Variants in PTMA observed in about 807,000 individuals in gnomAD.
PTMA encodes prothymosin alpha.
Under a neutral mutation model 16.9 loss-of-function variants are expected in PTMA, and 4 were observed. That is an observed-to-expected ratio of 0.24 (90% CI 0.12 to 0.54). The LOEUF (loss-of-function observed/expected upper bound fraction) is 0.54, where lower values mean the gene tolerates loss of function less well. Ranked by LOEUF, PTMA falls within the 20% of genes least tolerant of loss-of-function variation. The probability of loss-of-function intolerance (pLI) is 0.95; values close to 1 mark genes in which losing one functional copy is unlikely to be tolerated. For synonymous variants in PTMA, 58 were observed against 47.9 expected, an observed-to-expected ratio of 1.21 and a Z score of -0.87; for missense variants, 120 against 137.7, an observed-to-expected ratio of 0.87 and a Z score of 0.64.
In PTMA at chr2:231,713,351, G is replaced by T. The variant is rs749559346; in HGVS notation, c.*500G>T. On this transcript the variant is annotated 3_prime_UTR_variant, in exon 5 of 5. Coordinates refer to ENST00000409115, the MANE Select transcript of PTMA (RefSeq NM_002823.5). ...GCATTCCAGTAACTTTTTTGTGTAT[G>T]TACTTAGCTGTACTATAAGTAGTTG... 5 of 511,366 alleles carry T rather than the reference G, an allele frequency of 9.8e-6. No homozygotes were observed. Among genetic ancestry groups the T allele is most frequent in the Non-Finnish European group, 2.0e-5 (5 of 253,426 alleles). 31.7% of individuals were successfully genotyped at this position (511,366 alleles called of 1,614,324 possible). A position where few individuals can be genotyped will look rare whatever the true frequency, so the allele number is the denominator to read the frequency against.
At chr2:231,711,505 G>T (rs1382737040) in intron 2 of PTMA, 86 bp downstream of exon 2, 1 of 1,232,124 alleles carries the variant, frequency 8.1e-7, no homozygotes, top group Non-Finnish European at 1.2e-6. Context: ...CTATATATGT[G>T]TGTGTATGTG....
chr2:231,710,193 G>A (rs1294324341), intron 1 of PTMA: 3 of 1,312,992 alleles, frequency 2.3e-6, no homozygotes, highest in Non-Finnish European at 2.9e-6. Context: ...AGACATTCGG[G>A]CCTGCCGGGG....
Position 231,708,662 on chromosome 2 carries a change from G to T in PTMA, c.-45G>T. ...TTATCGCCAGAGTCCCTGAACTCTC[G>T]CTTTCTTTTTAATCCCCTGCATCGG... On this transcript the variant is annotated 5_prime_UTR_variant, in exon 1 of 5. Coordinates refer to ENST00000409115, the MANE Select transcript of PTMA (RefSeq NM_002823.5). 6.3e-7 allele frequency: 1 copy of T among 1,598,730 alleles called. No individual in the cohort carries two copies. The highest frequency in any genetic ancestry group is 1.7e-5 in the Admixed American group (1 of 59,952).
At position 231,711,335 on chromosome 2, in the gene PTMA, T is replaced by C. The variant is rs533803771; in HGVS notation, c.46-13T>C. 3.1e-6 allele frequency: 5 copies of C among 1,612,292 alleles called. No homozygotes were observed. Among genetic ancestry groups the C allele is most frequent in the Middle Eastern group, 1.7e-4 (1 of 6,046 alleles). On this transcript the variant is annotated splice_polypyrimidine_tract_variant and intron_variant, in intron 1 of 4. Transcript: ENST00000409115. ...AGACTTACTGGTTACTGGTTCCTTC[T>C]TCCCTTTTGAAGGACTTAAAGGAGA... is the stretch of plus-strand genomic sequence containing the variant.
intron 1 of PTMA, chr2:231,710,284 C>T (rs774527323): frequency 2.1e-5 from 27 of 1,286,240 alleles, no homozygotes; most frequent in Non-Finnish European, 1.4e-5. Flanking sequence ...CTCTGCCTGC[C>T]GGCCGGGAGT....
chr2:231,711,236 T>G (rs1046983226), intron 1 of PTMA, 112 bp from the exon 2 acceptor site: 1 of 859,910 alleles, frequency 1.2e-6, no homozygotes. Context: ...CATGCGACTC[T>G]TAATTTGGGA....
At chr2:231,710,169 G>C (rs557311151) in intron 1 of PTMA, 29 of 1,283,396 alleles carry the variant, frequency 2.3e-5, no homozygotes, top group Middle Eastern at 3.0e-4. Context: ...CGTGGGACTT[G>C]GCCCGCCGAA....
rs1272445139 is a variant in PTMA at position 231,711,902 on chromosome 2, G to C, written c.130G>C (p.Gly44Arg). Residue 44 changes from glycine to arginine, a missense_variant, in exon 3 of 5, where the codon GGG becomes CGG. Coordinates refer to ENST00000409115, the MANE Select transcript of PTMA (RefSeq NM_002823.5). ...PANGNANEEN[G>R]EQEADNEVDE... ...TTCTGTCGAGGAGAATGAGGAAAAT[G>C]GGGAGCAGGAGGCTGACAATGAGGT... The C allele has an allele frequency of 6.2e-7, 1 of 1,612,176 alleles. No homozygotes were observed. The highest frequency in any genetic ancestry group is 8.5e-7 in the Non-Finnish European group (1 of 1,179,296).
chr2:231,708,605 C>T lies in PTMA; in HGVS notation c.-102C>T, dbSNP rs900065157. On this transcript the variant is annotated 5_prime_UTR_variant, in exon 1 of 5. Coordinates refer to ENST00000409115, the MANE Select transcript of PTMA (RefSeq NM_002823.5). ...GCTCGCCGCAGCCGCCTCCGCCGCGCGCCTCCTCCGCCGCCGCGGACTCCG... is the reference window on the plus strand; with the variant it reads ...GCTCGCCGCAGCCGCCTCCGCCGCGTGCCTCCTCCGCCGCCGCGGACTCCG... The T allele has an allele frequency of 2.8e-5, 41 of 1,464,980 alleles. No individual in the cohort carries two copies. The Middle Eastern group carries it at 7.2e-4, about 26-fold the overall frequency. 90.7% of individuals were successfully genotyped at this position (1,464,980 alleles called of 1,614,324 possible). A position where few individuals can be genotyped will look rare whatever the true frequency, so the allele number is the denominator to read the frequency against.
intron 1 of PTMA, among the ~76,000 whole-genome samples, chr2:231,710,971 C>T (rs917914517): frequency 2.6e-5 from 4 of 152,252 alleles, no homozygotes; most frequent in Admixed American, 1.3e-4. Context: ...GCTCGAGGGG[C>T]GGGCTCTTTG....
rs558952231 is a variant in PTMA at position 231,710,523 on chromosome 2, G to A, written c.46-825G>A. 3.6e-6 allele frequency: 3 copies of A among 828,564 alleles called. No individual in the cohort carries two copies. In the East Asian group the frequency reaches 2.4e-4, roughly 67 times the overall value. The allele number at this position is 828,564 out of a possible 1,614,324, so 51.3% of individuals were successfully genotyped here. ...GCCGGACTGAGAGGGCCGACAGGTG[G>A]CCCGGAGCCGCTCGCCGGACAGCGG... On this transcript the variant is annotated intron_variant, in intron 1 of 4. Coordinates refer to ENST00000409115, the MANE Select transcript of PTMA (RefSeq NM_002823.5).
intron 1 of PTMA, chr2:231,710,242 C>A: frequency 1.5e-6 from 2 of 1,335,526 alleles, no homozygotes; most frequent in South Asian, 2.1e-5. Flanking sequence ...CCCGGCCGAC[C>A]GACGCGCGAC....
At position 231,711,759 on chromosome 2, in the gene PTMA, T is replaced by C. The variant is rs1009251339; in HGVS notation, c.118-131T>C. The C allele has an allele frequency of 4.0e-6, 6 of 1,494,634 alleles. No individual in the cohort carries two copies. The African/African-American group carries it at 8.4e-5, about 21-fold the overall frequency. 92.6% of individuals were successfully genotyped at this position (1,494,634 alleles called of 1,614,324 possible). ...AGGGTGTTGACTGGAGAAGGGTCTCTGGGGTGGGCTTGGCTTGGCTGGGCT... is the reference window on the plus strand; with the variant it reads ...AGGGTGTTGACTGGAGAAGGGTCTCCGGGGTGGGCTTGGCTTGGCTGGGCT... On this transcript the variant is annotated intron_variant, in intron 2 of 4. Coordinates refer to ENST00000409115, the MANE Select transcript of PTMA (RefSeq NM_002823.5).
chr2:231,709,512 G>T (rs2048488270), intron 1 of PTMA, among the ~76,000 whole-genome samples: 1 of 152,194 alleles, frequency 6.6e-6, no homozygotes, highest in African/African-American at 2.4e-5. Flanking sequence ...AGTGAAGCGC[G>T]GCGCTGGGGC....
intron 1 of PTMA, 54 bp downstream of exon 1, chr2:231,708,805 G>C (rs1431321067): frequency 6.3e-7 from 1 of 1,577,410 alleles, no homozygotes; most frequent in African/African-American, 1.3e-5. Flanking sequence ...CGCTCGGGCG[G>C]TGTTTGGCGC....
chr2:231,709,030 C>T (rs911868917), intron 1 of PTMA, among the ~76,000 whole-genome samples: 8 of 152,188 alleles, frequency 5.3e-5, no homozygotes, highest in Non-Finnish European at 1.0e-4. Context: ...CCTCGAAACT[C>T]GTCTGTGGCC....
At chr2:231,711,771 G>C in intron 2 of PTMA, 119 bp from the exon 3 acceptor site, 2 of 1,525,524 alleles carry the variant, frequency 1.3e-6, no homozygotes, top group Non-Finnish European at 1.8e-6. Flanking sequence ...GGGTGGGCTT[G>C]GCTTGGCTGG....
intron 1 of PTMA, among the ~76,000 whole-genome samples, chr2:231,709,554 G>C (rs1015058785): frequency 2.6e-5 from 4 of 152,156 alleles, no homozygotes; most frequent in African/African-American, 9.7e-5. Flanking sequence ...CTGCCCGGGA[G>C]CACCGTGTGC....
At chr2:231,711,164 G>T (rs548604102) in intron 1 of PTMA, 184 bp from the exon 2 acceptor site, 1 of 531,292 alleles carries the variant, frequency 1.9e-6, no homozygotes, top group Non-Finnish European at 3.4e-6. Context: ...GATGCCCCCC[G>T]CCGGCCTTCC....
Sources: allele counts gnomAD v4.1 joint callset (sites outside exome capture counted in the v4.1 genomes callset), GRCh38; gene constraint gnomAD v4.1.1; transcripts MANE v1.5; gene names NCBI Gene and HGNC (gene_info 2026-07-23, HGNC 2026-07-21).